The following CCL15 variants were observed in gnomAD, a reference collection of about 807,000 sequenced individuals.
CCL15 encodes the protein C-C motif chemokine ligand 15, also known as C-C motif chemokine 15.
Under a neutral mutation model 10.6 loss-of-function variants are expected in CCL15, and 8 were observed. The ratio of observed to expected loss-of-function variants is 0.75; its 90% confidence interval spans 0.44 to 1.36. CCL15 has a LOEUF of 1.36. Among genes scored for constraint, CCL15 ranks in the 40% most tolerant of loss-of-function variants. The probability of loss-of-function intolerance (pLI) is 0.00; values close to 1 mark genes in which losing one functional copy is unlikely to be tolerated. For synonymous variants in CCL15, 51 were observed against 48.8 expected, an observed-to-expected ratio of 1.04 and a Z score of -0.19; for missense variants, 128 against 136.6, an observed-to-expected ratio of 0.94 and a Z score of 0.32.
intron 2 of CCL15, 109 bp from the exon 3 acceptor site, chr17:35,998,500 A>G: frequency 1.3e-6 from 1 of 793,664 alleles, no homozygotes; most frequent in Non-Finnish European, 2.1e-6. Context: ...CTCGGCTAGC[A>G]CTTGCTGGCC....
At chr17:35,997,882 G>A (rs1190790219) in intron 3 of CCL15, 22 bp from the exon 4 acceptor site, 1 of 1,590,080 alleles carries the variant, frequency 6.3e-7, no homozygotes, top group Admixed American at 1.7e-5. Context: ...GGGAGAGAAA[G>A]ATTACAAACT....
chr17:35,998,776 T>TCCCATTCTG, intron 2 of CCL15, 90 bp downstream of exon 2: 1 of 1,057,100 alleles, frequency 9.5e-7, no homozygotes, highest in Non-Finnish European at 1.5e-6. Flanking sequence ...CTCATTCTCC[T>TCCCATTCTG]CCCATTCTGT....
At position 36,001,399 on chromosome 17, in the gene CCL15, A is replaced by G; in HGVS notation, c.76+18T>C. The G allele has an allele frequency of 1.2e-6, 2 of 1,613,996 alleles. No homozygotes were observed. Among genetic ancestry groups the G allele is most frequent in the South Asian group, 1.1e-5 (1 of 91,070 alleles). ...TACCATGGACCTGGTCACCTGGGAG[A>G]AAGCTCACTGGACTCACCATTTGTG... On this transcript the variant is annotated intron_variant, in intron 1 of 3. Transcript: ENST00000617897.
chr17:35,999,030 G>A, intron 1 of CCL15, 105 bp from the exon 2 acceptor site: 1 of 912,852 alleles, frequency 1.1e-6, no homozygotes, highest in Non-Finnish European at 1.8e-6. Context: ...GAGAGGCTCT[G>A]AAGCTGGACC....
chr17:36,000,739 G>A (rs1356523792), intron 1 of CCL15, among the ~76,000 whole-genome samples: 1 of 151,854 alleles, frequency 6.6e-6, no homozygotes, highest in Non-Finnish European at 1.5e-5. Flanking sequence ...GCCCTAAAGT[G>A]TATGCTCTGT....
rs1379101471 is a variant in CCL15, at chr17:35,997,594, T to A, written c.*173A>T. 3 of 543,532 alleles carry A rather than the reference T, an allele frequency of 5.5e-6. No individual in the cohort carries two copies. The African/African-American group carries it at 5.7e-5, about 10-fold the overall frequency. The allele number at this position is 543,532 out of a possible 1,614,324, so 33.7% of individuals were successfully genotyped here. A position where few individuals can be genotyped will look rare whatever the true frequency, so the allele number is the denominator to read the frequency against. On this transcript the variant is annotated 3_prime_UTR_variant, in exon 4 of 4. Transcript: ENST00000617897. Reference sequence around the variant, plus strand: ...GCTCAGCAGTTGCTTCAGTTTTATATTAGTTTATTTCCTCTTAAAACTCAA... The same window carrying A: ...GCTCAGCAGTTGCTTCAGTTTTATAATAGTTTATTTCCTCTTAAAACTCAA...
At chr17:35,999,624 T>C (rs942413598) in intron 1 of CCL15, among the ~76,000 whole-genome samples, 1 of 151,986 alleles carries the variant, frequency 6.6e-6, no homozygotes, top group African/African-American at 2.4e-5. Context: ...CCACAATGCC[T>C]AGCTAATAGT....
intron 1 of CCL15, among the ~76,000 whole-genome samples, chr17:36,000,106 G>A (rs552721781): frequency 1.3e-4 from 19 of 146,608 alleles, no homozygotes; most frequent in African/African-American, 4.9e-4. Context: ...AGCTGAGATC[G>A]TGCCACTGCA....
chr17:35,997,878 GAAAGATTAC>G lies in CCL15; in HGVS notation c.249-27_249-19del. ...TGAGGAATCTGGGGAACAAGGGAGA[GAAAGATTAC>G]AAACTGAGGTGTGGGCAGATGGAGA... is the stretch of plus-strand genomic sequence containing the variant. On this transcript the variant is annotated intron_variant, in intron 3 of 3. Transcript: ENST00000617897. 1 of 1,598,166 alleles carries G rather than the reference GAAAGATTAC, an allele frequency of 6.3e-7. No individual in the cohort carries two copies.
rs775236005 is a variant in CCL15 at position 36,001,514 on chromosome 17, C to A, written c.-22G>T. 28 of 1,612,500 alleles carry A rather than the reference C, an allele frequency of 1.7e-5. No individual in the cohort carries two copies. Among genetic ancestry groups the A allele is most frequent in the African/African-American group, 2.7e-5 (2 of 74,862 alleles). On this transcript the variant is annotated 5_prime_UTR_variant, in exon 1 of 4. Transcript: ENST00000617897. ...TCATCCTCCTGGTGGGCAGGCAGGG[C>A]TGGCCGAGGACTCCTGGGCTCACTG...
In CCL15 at chr17:35,998,876, T is replaced by C. The variant is rs199706151; in HGVS notation, c.126A>G (p.Val42=). ...MMSKLPLENP[V]VLNSFHFAAD... ...TATCTGATCACTTACTGTTCAGAAC[T>C]ACTGGATTTTCCAGTGGAAGCTTTG... Residue 42 remains valine, a synonymous_variant, in exon 2 of 4, where the codon GTA becomes GTG. Transcript: ENST00000617897. 2 of 1,613,188 alleles carry C rather than the reference T, an allele frequency of 1.2e-6. No homozygotes were observed. The highest frequency in any genetic ancestry group is 2.7e-5 in the African/African-American group (2 of 75,056).
In CCL15 at chr17:35,998,968, A is replaced by C. The variant is rs372259918; in HGVS notation, c.77-43T>G. ...GGGAAGGAAATCACTGGGTGGCAGC[A>C]GTATGTTTCAACATCTCCACCCACC... is the stretch of plus-strand genomic sequence containing the variant. On this transcript the variant is annotated intron_variant, in intron 1 of 3. Coordinates refer to ENST00000617897, the MANE Select transcript of CCL15 (RefSeq NM_032965.6). 5.2e-6 allele frequency: 8 copies of C among 1,539,104 alleles called. No individual in the cohort carries two copies. In the Middle Eastern group the frequency reaches 6.7e-4, roughly 130 times the overall value.
chr17:35,997,923 C>T, intron 3 of CCL15, 63 bp from the exon 4 acceptor site: 1 of 1,112,026 alleles, frequency 9.0e-7, no homozygotes, highest in Middle Eastern at 2.4e-4. Flanking sequence ...CAGGGGGCCC[C>T]ATCCTCCCTG....
intron 1 of CCL15, among the ~76,000 whole-genome samples, chr17:36,000,880 T>C (rs1220688247): frequency 6.6e-6 from 1 of 152,150 alleles, no homozygotes; most frequent in African/African-American, 2.4e-5. Flanking sequence ...TGGGGCCCCG[T>C]GTGTCACGGT....
chr17:35,998,208 C>A, intron 3 of CCL15, 72 bp downstream of exon 3: 1 of 976,548 alleles, frequency 1.0e-6, no homozygotes, highest in Non-Finnish European at 1.6e-6. Flanking sequence ...GACGCCCATC[C>A]GTCGTGTCCT....
rs41335150 is a variant in CCL15, at chr17:35,997,988, A to G, written c.249-128T>C. The stretch of plus-strand genomic sequence containing the variant: ...GTTTTTTCCTTTCTCTGCTGATGGC[A>G]GCTCAGGGACAGTGTCCTTTTGAGA... On this transcript the variant is annotated intron_variant, in intron 3 of 3. Coordinates refer to ENST00000617897, the MANE Select transcript of CCL15 (RefSeq NM_032965.6). 4,243 of 700,638 alleles carry G rather than the reference A, an allele frequency of 6.1e-3. 119 individuals are homozygous for G. Among genetic ancestry groups the G allele is most frequent in the Admixed American group, 0.057 (2,681 of 46,816 alleles). 43.4% of individuals were successfully genotyped at this position (700,638 alleles called of 1,614,324 possible). A position where few individuals can be genotyped will look rare whatever the true frequency, so the allele number is the denominator to read the frequency against.
chr17:35,998,988 C>T (rs2142012213), intron 1 of CCL15, 63 bp from the exon 2 acceptor site: 2 of 1,320,328 alleles, frequency 1.5e-6, no homozygotes, highest in Non-Finnish European at 2.2e-6. Context: ...AACATCTCCA[C>T]CCACCCCATT....
chr17:36,000,854 C>T (rs1401632252), intron 1 of CCL15, among the ~76,000 whole-genome samples: 1 of 152,066 alleles, frequency 6.6e-6, no homozygotes, highest in African/African-American at 2.4e-5. Context: ...GTGACTCCTG[C>T]CCTGGATGCT....
chr17:35,999,947 T>C (rs900952134), intron 1 of CCL15, among the ~76,000 whole-genome samples: 1 of 149,264 alleles, frequency 6.7e-6, no homozygotes, highest in African/African-American at 2.5e-5. Context: ...ATCAGGAGAT[T>C]GAGACCATCC....
Sources: gnomAD v4.1 joint callset for allele counts (sites outside exome capture counted in the v4.1 genomes callset) on GRCh38, gnomAD v4.1.1 for gene constraint, MANE v1.5 for transcripts, NCBI Gene and HGNC (gene_info 2026-07-23, HGNC 2026-07-21) for gene names.